Variants in CASQ2 observed in about 807,000 individuals in gnomAD.
The protein encoded by CASQ2 is calsequestrin-2.
CASQ2 carries 49 observed loss-of-function variants against 46.5 expected under a neutral mutation model. The observed-to-expected ratio is 1.05, with a 90% CI of 0.84 to 1.34. The LOEUF (loss-of-function observed/expected upper bound fraction) is 1.34. Among genes scored for constraint, CASQ2 ranks in the 40% most tolerant of loss-of-function variants. The pLI, the probability that CASQ2 is intolerant of heterozygous loss-of-function variation, is 0.00. For missense variants in CASQ2, 486 were observed against 481.3 expected (o/e 1.01, Z -0.09); for synonymous variants, 174 against 168.5 (o/e 1.03, Z -0.25).
chr1:115,722,907 G>A (rs531297185), intron 7 of CASQ2, among the ~76,000 whole-genome samples: 35 of 152,234 alleles, frequency 2.3e-4, no homozygotes, highest in African/African-American at 8.2e-4. Flanking sequence ...AACTAGCCAG[G>A]TGTGGTGGTA....
Position 115,740,811 on chromosome 1 carries a change from T to G in CASQ2, c.337A>C (p.Ser113Arg), listed in dbSNP as rs758425455. ...AKKLGFDEEGSLYILKGDRTI... is the reference protein window; with the variant it reads ...AKKLGFDEEGRLYILKGDRTI... ...CGATCACCCTTAAGAATATACAGGCTTCCTTCTTCATCAAAACCTGTAAGA... is the reference window on the plus strand; with the variant it reads ...CGATCACCCTTAAGAATATACAGGCGTCCTTCTTCATCAAAACCTGTAAGA... The change falls in exon 3 of 11, where the codon AGC (serine) becomes CGC (arginine). Residue 113 changes from serine (S) to arginine (R), a missense_variant. Transcript: ENST00000261448. 5.0e-6 allele frequency: 8 copies of G among 1,611,938 alleles called. No homozygotes were observed. Among genetic ancestry groups the G allele is most frequent in the Non-Finnish European group, 6.8e-6 (8 of 1,178,170 alleles).
At chr1:115,767,087 G>T (rs906562491) in intron 1 of CASQ2, among the ~76,000 whole-genome samples, 2 of 152,174 alleles carry the variant, frequency 1.3e-5, no homozygotes, top group Admixed American at 6.5e-5. Flanking sequence ...TCATAACAAT[G>T]TCTCTTGATA....
intron 7 of CASQ2, 120 bp from the exon 8 acceptor site, chr1:115,718,014 G>A (rs374817821): frequency 2.9e-5 from 22 of 764,914 alleles, no homozygotes; most frequent in Middle Eastern, 2.3e-4. Context: ...GTGTGGAAGC[G>A]GGGATGAACA....
intron 5 of CASQ2, among the ~76,000 whole-genome samples, chr1:115,730,942 C>G (rs529250482): frequency 6.6e-6 from 1 of 152,284 alleles, no homozygotes; most frequent in South Asian, 2.1e-4. Context: ...GCACTCCCTG[C>G]TGGAAACCAC....
chr1:115,727,295 T>A (rs1647629251), intron 5 of CASQ2, among the ~76,000 whole-genome samples, 173 bp from the exon 6 acceptor site: 1 of 152,138 alleles, frequency 6.6e-6, no homozygotes, highest in Non-Finnish European at 1.5e-5. Flanking sequence ...CTGGCTAGAC[T>A]AATCTTCTTT....
chr1:115,701,410 A>T lies in CASQ2; in HGVS notation c.1031T>A (p.Met344Lys), dbSNP rs575326580. The change falls in exon 11 of 11, where the codon ATG becomes AAG. Residue 344 changes from methionine (M) to lysine (K), a missense_variant. Coordinates refer to ENST00000261448, the MANE Select transcript of CASQ2 (RefSeq NM_001232.4). ...VNVTDADSVW[M>K]EIPDDDDLPT... ...AAGATCGTCATCATCTGGAATCTCC[A>T]TCCAGACACTGTCAGCCTGCAGTGA... The T allele has an allele frequency of 5.0e-6, 8 of 1,611,462 alleles. No individual in the cohort carries two copies. The highest frequency in any genetic ancestry group is 1.3e-5 in the African/African-American group (1 of 74,878).
intron 1 of CASQ2, among the ~76,000 whole-genome samples, chr1:115,755,196 T>C (rs1158393923): frequency 6.6e-6 from 1 of 152,238 alleles, no homozygotes; most frequent in African/African-American, 2.4e-5. Flanking sequence ...AAAAATATTA[T>C]TGCAATGGAA....
At chr1:115,754,461 G>T (rs1334026628) in intron 1 of CASQ2, among the ~76,000 whole-genome samples, 1 of 152,150 alleles carries the variant, frequency 6.6e-6, no homozygotes, top group Non-Finnish European at 1.5e-5. Flanking sequence ...AGCACTTACT[G>T]GGTGTTTACT....
chr1:115,761,839 C>T (rs111365582), intron 1 of CASQ2, among the ~76,000 whole-genome samples: 1 of 152,154 alleles, frequency 6.6e-6, no homozygotes, highest in African/African-American at 2.4e-5. Flanking sequence ...AATAGATAAT[C>T]TGCATGAGTC....
chr1:115,739,810 A>G (rs986041161), intron 3 of CASQ2, among the ~76,000 whole-genome samples: 1 of 152,196 alleles, frequency 6.6e-6, no homozygotes, highest in Non-Finnish European at 1.5e-5. Context: ...TAAGTCAATC[A>G]CATTGTTTAT....
chr1:115,732,302 A>G (rs957151324), intron 5 of CASQ2: 7 of 153,042 alleles, frequency 4.6e-5, no homozygotes, highest in African/African-American at 1.7e-4. Context: ...TAGGATAAAC[A>G]TTCTTCAAGT....
At chr1:115,709,334 G>A (rs1220876717) in intron 8 of CASQ2, among the ~76,000 whole-genome samples, 1 of 152,224 alleles carries the variant, frequency 6.6e-6, no homozygotes, top group Admixed American at 6.5e-5. Flanking sequence ...TCAATGTTAA[G>A]CAAGGACTAG....
intron 7 of CASQ2, 77 bp downstream of exon 7, chr1:115,725,431 G>A (rs1647546743): frequency 2.0e-6 from 3 of 1,535,458 alleles, no homozygotes; most frequent in Admixed American, 3.4e-5. Flanking sequence ...TTGAGTTTGG[G>A]GACTTAATCT....
chr1:115,726,947 T>TGCC, intron 6 of CASQ2, 45 bp downstream of exon 6: 4 of 1,036,546 alleles, frequency 3.9e-6, no homozygotes, highest in Non-Finnish European at 5.8e-6. Flanking sequence ...TCCTCTCCAT[T>TGCC]CCCCAGACCC....
chr1:115,727,207 G>T, intron 5 of CASQ2, 85 bp from the exon 6 acceptor site: 2 of 1,077,288 alleles, frequency 1.9e-6, no homozygotes, highest in Admixed American at 1.8e-5. Context: ...AAGTGTGTAT[G>T]TTTTCCGGCA....
intron 1 of CASQ2, among the ~76,000 whole-genome samples, chr1:115,766,862 A>ATAT (rs1557809042): frequency 7.0e-6 from 1 of 142,298 alleles, no homozygotes; most frequent in Non-Finnish European, 1.5e-5. Context: ...GGGGAGCTAG[A>ATAT]GATGATAGAT....
intron 8 of CASQ2, among the ~76,000 whole-genome samples, chr1:115,716,598 C>T (rs1654708254): frequency 6.6e-6 from 1 of 152,144 alleles, no homozygotes; most frequent in South Asian, 2.1e-4. Flanking sequence ...TTAATATCTC[C>T]CCCAGTGCCC....
At position 115,708,052 on chromosome 1, in the gene CASQ2, T is replaced by A. The variant is rs569063818; in HGVS notation, c.839-2760A>T. Among the ~76,000 whole-genome samples, 61 of 152,312 alleles carry A rather than the reference T, an allele frequency of 4.0e-4. No homozygotes were observed. The South Asian group carries it at 8.7e-3, about 22-fold the overall frequency. On this transcript the variant is annotated intron_variant, in intron 8 of 10. Coordinates refer to ENST00000261448, the MANE Select transcript of CASQ2 (RefSeq NM_001232.4). ...TAACATTGAGATTCATCAAAAGGAATGTGGTATACAAGAACTTACCTACTA... is the reference window on the plus strand; with the variant it reads ...TAACATTGAGATTCATCAAAAGGAAAGTGGTATACAAGAACTTACCTACTA...
chr1:115,715,137 A>G (rs929830096), intron 8 of CASQ2, among the ~76,000 whole-genome samples: 4 of 152,168 alleles, frequency 2.6e-5, no homozygotes, highest in African/African-American at 7.2e-5. Flanking sequence ...TGTTCACATA[A>G]CACCAGGGAT....
Sources: allele counts gnomAD v4.1 joint callset (sites outside exome capture counted in the v4.1 genomes callset), GRCh38; gene constraint gnomAD v4.1.1; transcripts MANE v1.5; gene names NCBI Gene and HGNC (gene_info 2026-07-23, HGNC 2026-07-21).